The following TAP1 variants were observed in gnomAD, a reference collection of about 807,000 sequenced individuals.
The protein encoded by TAP1 is antigen peptide transporter 1.
In TAP1, 56 loss-of-function variants were observed where a neutral mutation model predicts 79.3. That is an observed-to-expected ratio of 0.71 (90% CI 0.57 to 0.88). The LOEUF (loss-of-function observed/expected upper bound fraction) is 0.88, where lower values mean the gene tolerates loss of function less well. Among genes scored for constraint, TAP1 ranks in the 40% least tolerant of loss-of-function variants. TAP1 has a pLI of 0.00. For missense variants in TAP1, 737 were observed against 936.3 expected (o/e 0.79, Z 2.78); for synonymous variants, 355 against 401.4 (o/e 0.88, Z 1.38).
Position 32,851,746 on chromosome 6 carries a change from T to G in TAP1, c.844+363A>C, listed in dbSNP as rs72860335. On this transcript the variant is annotated intron_variant, in intron 3 of 10. Coordinates refer to ENST00000354258, the MANE Select transcript of TAP1 (RefSeq NM_000593.6). This position sits in a 1 kb window ranked among gnomAD's most constrained non-coding sequence, Gnocchi z 4.8. Reference sequence around the variant, plus strand: ...TCTCTGTCAGATGAGGCAGTTGGTCTCTATGAGCTCAAAATTTCCAGGTTT... The same window carrying G: ...TCTCTGTCAGATGAGGCAGTTGGTCGCTATGAGCTCAAAATTTCCAGGTTT... 0.031 allele frequency among the ~76,000 whole-genome samples: 4,651 copies of G among 152,324 alleles called. 83 individuals carry two copies. The highest frequency in any genetic ancestry group is 0.052 in the South Asian group (251 of 4,830).
rs1562374970 is a variant in TAP1, at chr6:32,853,064, C to T, written c.573G>A (p.Leu191=). 1.2e-6 allele frequency: 2 copies of T among 1,612,718 alleles called. No individual in the cohort carries two copies. Among genetic ancestry groups the T allele is most frequent in the Non-Finnish European group, 1.7e-6 (2 of 1,180,028 alleles). Residue 191 remains leucine, a synonymous_variant, in exon 1 of 11, where the codon CTG becomes CTA. Transcript: ENST00000354258. The surrounding 1 kb of genome is among the most constrained non-coding windows in gnomAD (Gnocchi z 8.3). The part of the protein sequence containing the change: ...GSETRRLSLF[L]VLVVLSSLGE... ...CAAGAGAGGAGAGGACCACCAGGAC[C>T]AGGAACAGCGAGAGGCGGCGCGTCT...
In TAP1 at chr6:32,848,692, G is replaced by T; in HGVS notation, c.1526C>A (p.Ser509Tyr). 1 of 1,614,148 alleles carries T rather than the reference G, an allele frequency of 6.2e-7. No homozygotes were observed. Among genetic ancestry groups the T allele is most frequent in the Non-Finnish European group, 8.5e-7 (1 of 1,180,026 alleles). Residue 509 changes from serine to tyrosine, a missense_variant, in exon 7 of 11, where the codon TCC becomes TAC. Around this residue, in one of 5 missense-constraint regions of TAP1, gnomAD observed 266 missense variants for 332.4 expected, o/e 0.80. Transcript: ENST00000354258. ...ATCTGGGCGGTTTGGGTAGGCAAAG[G>T]AGACATCTTGGAACTGGACAAGGCC... Reference protein sequence around the residue: ...LEGLVQFQDVSFAYPNRPDVL... With the variant: ...LEGLVQFQDVYFAYPNRPDVL...
Position 32,851,023 on chromosome 6 carries a change from G to A in TAP1, c.971C>T (p.Ser324Leu). 6.2e-7 allele frequency: 1 copy of A among 1,612,974 alleles called. No homozygotes were observed. Among genetic ancestry groups the A allele is most frequent in the Non-Finnish European group, 8.5e-7 (1 of 1,179,976 alleles). ...LCLLGIMLWG[S>L]VSLTMVTLIT... is the part of the protein sequence containing the mutation. Reference sequence around the variant, plus strand: ...CAGGGTGACCATGGTGAGGGACACTGATCCCCAGAGCATGATCCCCAAGAG... The same window carrying A: ...CAGGGTGACCATGGTGAGGGACACTAATCCCCAGAGCATGATCCCCAAGAG... Residue 324 changes from serine to leucine, a missense_variant, in exon 4 of 11, where the codon TCA becomes TTA. Transcript: ENST00000354258. The surrounding 1 kb of genome is among the most constrained non-coding windows in gnomAD (Gnocchi z 4.8).
Position 32,852,388 on chromosome 6 carries a change from C to T in TAP1, c.713G>A (p.Ser238Asn), listed in dbSNP as rs1272074442. 1.2e-6 allele frequency: 2 copies of T among 1,613,078 alleles called. No homozygotes were observed. The highest frequency in any genetic ancestry group is 2.2e-5 in the East Asian group (1 of 44,890). ...GGTGCCCCATTTTCAGCCCCCAGAC[C>T]TGGCTATGGTGAGAATGGACATGAG... ...LTLMSILTIASAVLEFVGDGI... is the reference protein window; with the variant it reads ...LTLMSILTIANAVLEFVGDGI... Residue 238 changes from serine to asparagine, a missense_variant and splice_region_variant, in exon 2 of 11, where the codon AGT becomes AAT. Physicochemically the swap from Ser to Asn is conservative, Grantham distance 46. Coordinates refer to ENST00000354258, the MANE Select transcript of TAP1 (RefSeq NM_000593.6). The surrounding 1 kb of genome is among the most constrained non-coding windows in gnomAD (Gnocchi z 4.8).
rs1770300000 is a variant in TAP1, at chr6:32,845,449, G to A, written c.*130C>T. On this transcript the variant is annotated 3_prime_UTR_variant, in exon 11 of 11. Transcript: ENST00000354258. This position sits in a 1 kb window ranked among gnomAD's most constrained non-coding sequence, Gnocchi z 4.5. ...TGCATTATCACGAGGAGCTTGGAAA[G>A]GAGGTAACACACTCAAGGCAAATTT... 2.3e-6 allele frequency: 2 copies of A among 859,018 alleles called. No homozygotes were observed. Among genetic ancestry groups the A allele is most frequent in the South Asian group, 2.8e-5 (2 of 70,982 alleles). 53.2% of individuals were successfully genotyped at this position (859,018 alleles called of 1,614,324 possible). A position where few individuals can be genotyped will look rare whatever the true frequency, so the allele number is the denominator to read the frequency against.
intron 6 of TAP1, 65 bp downstream of exon 6, chr6:32,848,925 T>C: frequency 1.2e-6 from 2 of 1,612,470 alleles, no homozygotes; most frequent in African/African-American, 1.3e-5. Flanking sequence ...TGGAAGGACA[T>C]CACACAGATG....
In TAP1 at chr6:32,848,743, C is replaced by T. The variant is rs767848641; in HGVS notation, c.1475G>A (p.Gly492Asp). Residue 492 changes from glycine to aspartate, a missense_variant, in exon 7 of 11, where the codon GGT (glycine) becomes GAT (aspartate). This residue lies in a region of TAP1 where 266 missense variants were observed against 332.4 expected (regional missense o/e 0.80). Coordinates refer to ENST00000354258, the MANE Select transcript of TAP1 (RefSeq NM_000593.6). Reference protein sequence around the residue: ...LDRTPRCPPSGLLTPLHLEGL... With the variant: ...LDRTPRCPPSDLLTPLHLEGL... ...CTCCAAGTGTAAGGGAGTCAACAGACCACTGGGTGGGCAGCGAGGGGTGCG... is the reference window on the plus strand; with the variant it reads ...CTCCAAGTGTAAGGGAGTCAACAGATCACTGGGTGGGCAGCGAGGGGTGCG... 1.2e-6 allele frequency: 2 copies of T among 1,614,126 alleles called. No individual in the cohort carries two copies. The highest frequency in any genetic ancestry group is 2.2e-5 in the East Asian group (1 of 44,892).
chr6:32,849,215 G>C, intron 5 of TAP1, 97 bp from the exon 6 acceptor site: 1 of 1,476,066 alleles, frequency 6.8e-7, no homozygotes, highest in South Asian at 1.2e-5. Flanking sequence ...TCAAGTCCCT[G>C]TCTCCTAAGT....
Position 32,850,064 on chromosome 6 carries a change from A to G in TAP1, c.1248+256T>C, listed in dbSNP as rs1770690422. 1 of 588,848 alleles carries G rather than the reference A, an allele frequency of 1.7e-6. No homozygotes were observed. Among genetic ancestry groups the G allele is most frequent in the African/African-American group, 1.9e-5 (1 of 53,834 alleles). The allele number at this position is 588,848 out of a possible 1,614,324, so 36.5% of individuals were successfully genotyped here. ...AGGCAAAGGAAGGCCCTAGGACTGGAAGACACGCATCTCTCCAATCCACAT... is the reference window on the plus strand; with the variant it reads ...AGGCAAAGGAAGGCCCTAGGACTGGGAGACACGCATCTCTCCAATCCACAT... On this transcript the variant is annotated intron_variant, in intron 5 of 10. Transcript: ENST00000354258. This position sits in a 1 kb window ranked among gnomAD's most constrained non-coding sequence, Gnocchi z 5.5.
In TAP1 at chr6:32,847,573, C is replaced by A; in HGVS notation, c.1843G>T (p.Ala615Ser). Residue 615 changes from alanine (A) to serine (S), a missense_variant, in exon 9 of 11, where the codon GCT becomes TCT. Ala to Ser is a moderately conservative substitution (Grantham distance 99, BLOSUM62 1). Coordinates refer to ENST00000354258, the MANE Select transcript of TAP1 (RefSeq NM_000593.6). This position sits in a 1 kb window ranked among gnomAD's most constrained non-coding sequence, Gnocchi z 4.7. ...CTATGGGCCCCAGACTTTACTGCAG[C>A]AGCTGTGATTTCCTCCATAGTTGGC... ...QKPTMEEITA[A>S]AVKSGAHSFI... The A allele has an allele frequency of 6.2e-7, 1 of 1,614,050 alleles. No individual in the cohort carries two copies. The highest frequency in any genetic ancestry group is 8.5e-7 in the Non-Finnish European group (1 of 1,180,036).
Position 32,852,065 on chromosome 6 carries a change from T to G in TAP1, c.844+44A>C, listed in dbSNP as rs374489402. On this transcript the variant is annotated intron_variant, in intron 3 of 10. Transcript: ENST00000354258. This position sits in a 1 kb window ranked among gnomAD's most constrained non-coding sequence, Gnocchi z 4.8. ...GGAGATCAAAGCAGATGTATGAGGA[T>G]ATGAACAGTACATGGCGTATAATGA... 1.4e-5 allele frequency: 22 copies of G among 1,612,192 alleles called. No homozygotes were observed. The highest frequency in any genetic ancestry group is 1.7e-5 in the Non-Finnish European group (20 of 1,179,756).
rs56107197 is a variant in TAP1 at position 32,847,447 on chromosome 6, G to A, written c.1903+66C>T. On this transcript the variant is annotated intron_variant, in intron 9 of 10. Transcript: ENST00000354258. The surrounding 1 kb of genome is among the most constrained non-coding windows in gnomAD (Gnocchi z 4.7). Reference sequence around the variant, plus strand: ...GAGTAAGGAGGAACTGAAGGATAAAGGCAAGACTACTGGGGTTTCAGCAAA... The same window carrying A: ...GAGTAAGGAGGAACTGAAGGATAAAAGCAAGACTACTGGGGTTTCAGCAAA... 2.0e-4 allele frequency: 314 copies of A among 1,608,024 alleles called. No homozygotes were observed. In the African/African-American group the frequency reaches 3.4e-3, roughly 17 times the overall value.
rs1210853185 is a variant in TAP1, at chr6:32,851,858, A to G, written c.844+251T>C. Among the ~76,000 whole-genome samples the G allele has an allele frequency of 1.3e-5, 2 of 152,114 alleles. No homozygotes were observed. The highest frequency in any genetic ancestry group is 4.8e-5 in the African/African-American group (2 of 41,412). On this transcript the variant is annotated intron_variant, in intron 3 of 10. Transcript: ENST00000354258. The surrounding 1 kb of genome is among the most constrained non-coding windows in gnomAD (Gnocchi z 4.8). The stretch of plus-strand genomic sequence containing the variant: ...AAAACTCTAGGTTTTTCTTAAGGTA[A>G]GGAGGACAATATTTTGCTCCTGAGG...
Position 32,853,071 on chromosome 6 carries a change from A to T in TAP1, c.566T>A (p.Leu189Gln). 1 of 1,612,802 alleles carries T rather than the reference A, an allele frequency of 6.2e-7. No homozygotes were observed. Among genetic ancestry groups the T allele is most frequent in the Non-Finnish European group, 8.5e-7 (1 of 1,180,016 alleles). ...CLGSETRRLSLFLVLVVLSSL... is the reference protein window; with the variant it reads ...CLGSETRRLSQFLVLVVLSSL... ...GGAGAGGACCACCAGGACCAGGAAC[A>T]GCGAGAGGCGGCGCGTCTCCGAGCC... The change falls in exon 1 of 11, where the codon CTG (leucine) becomes CAG (glutamine). Residue 189 changes from leucine to glutamine, a missense_variant. Leu to Gln is a moderately radical substitution (Grantham distance 113, BLOSUM62 -2). Coordinates refer to ENST00000354258, the MANE Select transcript of TAP1 (RefSeq NM_000593.6). This position sits in a 1 kb window ranked among gnomAD's most constrained non-coding sequence, Gnocchi z 8.3.
intron 7 of TAP1, chr6:32,848,336 C>T (rs1770574133): frequency 3.2e-6 from 2 of 622,652 alleles, no homozygotes; most frequent in African/African-American, 1.8e-5. Flanking sequence ...TCAGATACCA[C>T]CAGGAAAGGG....
At position 32,845,768 on chromosome 6, in the gene TAP1, G is replaced by C. The variant is rs770990716; in HGVS notation, c.2058C>G (p.Tyr686Ter). The C allele has an allele frequency of 1.2e-6, 2 of 1,612,156 alleles. No homozygotes were observed. Among genetic ancestry groups the C allele is most frequent in the Non-Finnish European group, 1.7e-6 (2 of 1,179,982 alleles). ...AGCGGGAGTACCGCTCAGGGCTTTC[G>C]TACAGGAGCTGCTCCACCTGAGGAA... ...NSQLQVEQLLYESPERYSRSV... is the reference protein window; with the variant it reads ...NSQLQVEQLL The change falls in exon 11 of 11, where the codon TAC (tyrosine) becomes TAG (stop). Residue 686 changes from tyrosine (Y) to a stop codon, truncating the protein, a stop_gained. Transcript: ENST00000354258. LOFTEE classifies it high-confidence loss of function. The surrounding 1 kb of genome is among the most constrained non-coding windows in gnomAD (Gnocchi z 4.5).
rs148278016 is a variant in TAP1, at chr6:32,851,951, CAGAG to C, written c.844+154_844+157del. Among the ~76,000 whole-genome samples, 1 of 129,532 alleles carries C rather than the reference CAGAG, an allele frequency of 7.7e-6. No homozygotes were observed. Among genetic ancestry groups the C allele is most frequent in the African/African-American group, 2.9e-5 (1 of 35,066 alleles). The allele number at this position is 129,532 out of a possible 152,430, so 85.0% of individuals were successfully genotyped here. On this transcript the variant is annotated intron_variant, in intron 3 of 10. Transcript: ENST00000354258. This position sits in a 1 kb window ranked among gnomAD's most constrained non-coding sequence, Gnocchi z 4.8. ...AGAGAGAGAGAGAGAGAGACAGAGACAGAGAGAGAGAGACAGGGAGAGGGTATAT... is the reference window on the plus strand; with the variant it reads ...AGAGAGAGAGAGAGAGAGACAGAGACAGAGAGAGACAGGGAGAGGGTATAT...
In TAP1 at chr6:32,852,496, A is replaced by G; in HGVS notation, c.605T>C (p.Met202Thr). Residue 202 changes from methionine to threonine, a missense_variant, in exon 2 of 11, where the codon ATG becomes ACG. Met to Thr is a moderately conservative substitution (Grantham distance 81). Coordinates refer to ENST00000354258, the MANE Select transcript of TAP1 (RefSeq NM_000593.6). This position sits in a 1 kb window ranked among gnomAD's most constrained non-coding sequence, Gnocchi z 4.8. The stretch of plus-strand genomic sequence containing the variant: ...GCGGCCCGTAAAGAATGGAATGGCC[A>G]TCTCCCCTGGAGAAAGAGAAGAGAG... ...VLVVLSSLGE[M>T]AIPFFTGRLT... The G allele has an allele frequency of 6.2e-7, 1 of 1,613,020 alleles. No homozygotes were observed. The highest frequency in any genetic ancestry group is 8.5e-7 in the Non-Finnish European group (1 of 1,180,008).
chr6:32,851,190 G>A lies in TAP1; in HGVS notation c.845-41C>T. 1 of 1,596,558 alleles carries A rather than the reference G, an allele frequency of 6.3e-7. No individual in the cohort carries two copies. The highest frequency in any genetic ancestry group is 8.6e-7 in the Non-Finnish European group (1 of 1,167,230). On this transcript the variant is annotated intron_variant, in intron 3 of 10. Coordinates refer to ENST00000354258, the MANE Select transcript of TAP1 (RefSeq NM_000593.6). The surrounding 1 kb of genome is among the most constrained non-coding windows in gnomAD (Gnocchi z 4.8). ...GAAGAGAGTGAGGTGAATCAGACAG[G>A]TTCCAAGTGATGAGACGAACTAACA... is the stretch of plus-strand genomic sequence containing the variant.
Sources: allele counts gnomAD v4.1 joint callset (sites outside exome capture counted in the v4.1 genomes callset), GRCh38; gene constraint gnomAD v4.1.1; regional missense constraint gnomAD v4.1.1; non-coding constraint Gnocchi (gnomAD v3.1); transcripts MANE v1.5; gene names NCBI Gene and HGNC (gene_info 2026-07-23, HGNC 2026-07-21).